The following ABI2 variants were observed in gnomAD, a reference collection of about 807,000 sequenced individuals.
The protein encoded by ABI2 is abelson interactor 2.
Under a neutral mutation model 59.2 loss-of-function variants are expected in ABI2, and 25 were observed. The observed-to-expected ratio is 0.42, with a 90% CI of 0.31 to 0.59. The LOEUF (loss-of-function observed/expected upper bound fraction) is 0.59, where lower values mean the gene tolerates loss of function less well. Ranked by LOEUF, ABI2 falls within the 20% of genes least tolerant of loss-of-function variation. ABI2 has a pLI of 0.14. For synonymous variants in ABI2, 213 were observed against 235.5 expected (o/e 0.90, Z 0.87); for missense variants, 545 against 681.8 (o/e 0.80, Z 2.23).
rs949974119 is a variant in ABI2, at chr2:203,370,415, A to G, written c.285+3371A>G. ...GAGAGATGACATTGCATGTAAGGAT[A>G]GAGATGTGGACAGATTTGAGAGACA... On this transcript the variant is annotated intron_variant, in intron 2 of 11. Transcript: ENST00000261018. Among the ~76,000 whole-genome samples the G allele has an allele frequency of 3.9e-5, 6 of 152,216 alleles. No individual in the cohort carries two copies. In the East Asian group the frequency reaches 9.6e-4, roughly 24 times the overall value.
intron 1 of ABI2, among the ~76,000 whole-genome samples, chr2:203,335,780 CA>C (rs2076186363): frequency 6.6e-6 from 1 of 152,128 alleles, no homozygotes; most frequent in Non-Finnish European, 1.5e-5. Flanking sequence ...GAATCATTTA[CA>C]ACATGAATTT....
intron 2 of ABI2, among the ~76,000 whole-genome samples, chr2:203,379,060 CTGTG>C (rs2095917359): frequency 6.6e-6 from 1 of 152,118 alleles, no homozygotes. Context: ...TACTAATTAC[CTGTG>C]TATGTGGAGA....
chr2:203,395,613 C>T, intron 6 of ABI2, 43 bp from the exon 7 acceptor site: 1 of 1,579,938 alleles, frequency 6.3e-7, no homozygotes, highest in Non-Finnish European at 8.6e-7. Flanking sequence ...TGATCTCTTA[C>T]TGTTTATAAA....
chr2:203,385,337 T>G (rs979648578), intron 4 of ABI2, among the ~76,000 whole-genome samples: 6 of 151,196 alleles, frequency 4.0e-5, no homozygotes, highest in Non-Finnish European at 8.8e-5. Context: ...TTCACCGTGT[T>G]AGCCAGGATG....
At chr2:203,409,984 TC>T (rs1348132396) in intron 9 of ABI2, among the ~76,000 whole-genome samples, 1 of 152,180 alleles carries the variant, frequency 6.6e-6, no homozygotes, top group Non-Finnish European at 1.5e-5. Flanking sequence ...TTTTTTACTT[TC>T]TCTTTGGGTA....
intron 4 of ABI2, chr2:203,386,599 A>G (rs1164018560): frequency 5.6e-6 from 1 of 177,756 alleles, no homozygotes; most frequent in Admixed American, 7.0e-5. Context: ...ACCTTCCCAC[A>G]TTGATATTTC....
rs2098467229 is a variant in ABI2, at chr2:203,429,716, C to G, written c.*2364C>G. 6.7e-6 allele frequency: 1 copy of G among 148,524 alleles called. No individual in the cohort carries two copies. The highest frequency in any genetic ancestry group is 1.5e-5 in the Non-Finnish European group (1 of 67,776). The allele number at this position is 148,524 out of a possible 1,614,324, so 9.2% of individuals were successfully genotyped here. A position where few individuals can be genotyped will look rare whatever the true frequency, so the allele number is the denominator to read the frequency against. ...AGGTTGCAGTGAGCCGAGATTGTGC[C>G]ACTGCACTCCAGCCTGGTGACAGAG... On this transcript the variant is annotated 3_prime_UTR_variant, in exon 12 of 12. Transcript: ENST00000261018.
intron 4 of ABI2, among the ~76,000 whole-genome samples, chr2:203,390,634 A>G (rs77605666): frequency 1.4e-5 from 2 of 138,062 alleles, no homozygotes; most frequent in Non-Finnish European, 3.0e-5. Flanking sequence ...TCTGTCTCAG[A>G]AAAAAAAAAA....
In ABI2 at chr2:203,394,809, A is replaced by C; in HGVS notation, c.688A>C (p.Arg230=). The change falls in exon 6 of 12, where the codon AGG becomes CGG. Residue 230 remains arginine (R), a synonymous_variant. Transcript: ENST00000261018. ...GGCTCCCTCGCAGCAGAGCCCTGTGAGGACAGCTTCTGTGAATCAAAGAAA... is the reference window on the plus strand; with the variant it reads ...GGCTCCCTCGCAGCAGAGCCCTGTGCGGACAGCTTCTGTGAATCAAAGAAA... The part of the protein sequence containing the change: ...NMAPSQQSPV[R]TASVNQRNRT... 6.2e-7 allele frequency: 1 copy of C among 1,614,186 alleles called. No homozygotes were observed. Among genetic ancestry groups the C allele is most frequent in the Non-Finnish European group, 8.5e-7 (1 of 1,180,026 alleles).
chr2:203,417,398 C>A (rs1319068139), intron 11 of ABI2, among the ~76,000 whole-genome samples: 1 of 152,186 alleles, frequency 6.6e-6, no homozygotes, highest in Non-Finnish European at 1.5e-5. Context: ...TTCCTACCTC[C>A]ATGCTTTAGA....
chr2:203,420,724 T>C (rs2098163171), intron 11 of ABI2, among the ~76,000 whole-genome samples: 1 of 152,148 alleles, frequency 6.6e-6, no homozygotes, highest in African/African-American at 2.4e-5. Context: ...TCTTCGTACC[T>C]CTAAAAGTCA....
intron 5 of ABI2, among the ~76,000 whole-genome samples, chr2:203,393,704 T>G (rs371022915): frequency 2.0e-5 from 3 of 152,344 alleles, no homozygotes; most frequent in East Asian, 3.9e-4. Context: ...CATACATAAG[T>G]CAGTAGAGCA....
chr2:203,342,743 C>G (rs2152533673), intron 1 of ABI2, among the ~76,000 whole-genome samples: 1 of 152,064 alleles, frequency 6.6e-6, no homozygotes, highest in Middle Eastern at 3.4e-3. Context: ...CGCCACCATG[C>G]CTGGCTAATC....
chr2:203,375,545 G>C (rs2095624268), intron 2 of ABI2, among the ~76,000 whole-genome samples: 2 of 152,104 alleles, frequency 1.3e-5, no homozygotes, highest in African/African-American at 4.8e-5. Context: ...AGAATATCAT[G>C]AGGGCAAATG....
intron 9 of ABI2, among the ~76,000 whole-genome samples, chr2:203,404,269 T>G (rs1471713889): frequency 6.6e-6 from 1 of 152,212 alleles, no homozygotes; most frequent in East Asian, 1.9e-4. Flanking sequence ...TGTTCATTTT[T>G]CCAAATCCCT....
At chr2:203,387,056 CTTTT>C (rs35497226) in intron 4 of ABI2, among the ~76,000 whole-genome samples, 2 of 116,534 alleles carry the variant, frequency 1.7e-5, no homozygotes, top group African/African-American at 6.6e-5. Context: ...GGCTCCCTTC[CTTTT>C]TTTTTTTTTT....
intron 4 of ABI2, 90 bp from the exon 5 acceptor site, chr2:203,390,956 C>G: frequency 2.1e-6 from 2 of 971,304 alleles, no homozygotes; most frequent in Non-Finnish European, 3.2e-6. Context: ...AAACCTTCCC[C>G]TCCTTTGTTA....
At chr2:203,373,892 C>T (rs1184754089) in intron 2 of ABI2, among the ~76,000 whole-genome samples, 3 of 152,122 alleles carry the variant, frequency 2.0e-5, no homozygotes, top group African/African-American at 7.2e-5. Context: ...GGTGTGGTGG[C>T]TCATGCCTGT....
chr2:203,370,659 G>T (rs2095084313), intron 2 of ABI2, among the ~76,000 whole-genome samples: 1 of 152,100 alleles, frequency 6.6e-6, no homozygotes, highest in Admixed American at 6.6e-5. Context: ...AAAATATTGT[G>T]TGTTTCTAGA....
Sources: allele counts gnomAD v4.1 joint callset (sites outside exome capture counted in the v4.1 genomes callset), GRCh38; gene constraint gnomAD v4.1.1; transcripts MANE v1.5; gene names NCBI Gene and HGNC (gene_info 2026-07-23, HGNC 2026-07-21).